Variants in CCDC112 observed in about 807,000 individuals in gnomAD.
CCDC112 encodes coiled-coil domain containing 112.
CCDC112 carries 40 observed loss-of-function variants against 66.3 expected under a neutral mutation model. The ratio of observed to expected loss-of-function variants is 0.60; its 90% CI spans 0.47 to 0.79. CCDC112 has a LOEUF of 0.79. Among genes scored for constraint, CCDC112 ranks in the 30% least tolerant of loss-of-function variants. The pLI is 0.00. For synonymous variants in CCDC112, 214 were observed against 197.2 expected (o/e 1.09, Z -0.71); for missense variants, 659 against 603.8 (o/e 1.09, Z -0.96).
chr5:115,291,789 T>C (rs1184072917), intron 1 of CCDC112, among the ~76,000 whole-genome samples: 1 of 152,214 alleles, frequency 6.6e-6, no homozygotes, highest in African/African-American at 2.4e-5. Flanking sequence ...AAAGAACAAC[T>C]GGCTGGCAGT....
intron 7 of CCDC112, among the ~76,000 whole-genome samples, chr5:115,270,553 A>G (rs1042574135): frequency 2.0e-5 from 3 of 152,192 alleles, no homozygotes; most frequent in Non-Finnish European, 4.4e-5. Context: ...TCTACAATGC[A>G]CTTAACTCTA....
Position 115,271,318 on chromosome 5 carries a change from T to C in CCDC112, c.1227A>G (p.Lys409=). 1 of 1,612,948 alleles carries C rather than the reference T, an allele frequency of 6.2e-7. No homozygotes were observed. Among genetic ancestry groups the C allele is most frequent in the Non-Finnish European group, 8.5e-7 (1 of 1,179,828 alleles). The change falls in exon 7 of 10, where the codon AAA becomes AAG. Residue 409 remains lysine, a synonymous_variant. Coordinates refer to ENST00000379611, the MANE Select transcript of CCDC112 (RefSeq NM_001040440.3). ...LLLESYTQQK[K]EQEEFLRLEK... ...CAAGCCTCAAAAATTCTTCCTGTTCTTTCTTCTGCTGGGTATAACTTTCTA... is the reference window on the plus strand; with the variant it reads ...CAAGCCTCAAAAATTCTTCCTGTTCCTTCTTCTGCTGGGTATAACTTTCTA...
intron 1 of CCDC112, chr5:115,289,164 T>C: frequency 4.7e-6 from 1 of 211,806 alleles, no homozygotes; most frequent in Non-Finnish European, 9.5e-6. Context: ...TTTGTTCTCC[T>C]TTTCCCTTCG....
In CCDC112 at chr5:115,296,415, T is replaced by C; in HGVS notation, c.117+12A>G. The C allele has an allele frequency of 6.4e-7, 1 of 1,566,396 alleles. No individual in the cohort carries two copies. The highest frequency in any genetic ancestry group is 2.5e-5 in the East Asian group (1 of 39,758). On this transcript the variant is annotated intron_variant, in intron 1 of 9. Coordinates refer to ENST00000379611, the MANE Select transcript of CCDC112 (RefSeq NM_001040440.3). ...CTGCCGCCAGAGCAGCTCTCGGTTC[T>C]CCCGGATTTACCTGTTGAGGCGCTG...
chr5:115,278,373 T>A (rs78629943), intron 3 of CCDC112, among the ~76,000 whole-genome samples: 3,190 of 152,152 alleles, frequency 0.021, 126 homozygotes, highest in African/African-American at 0.073. Context: ...AGCTGTAATA[T>A]ATGAAGGGAA....
chr5:115,278,983 G>A (rs1051023147), intron 3 of CCDC112, among the ~76,000 whole-genome samples: 8 of 151,856 alleles, frequency 5.3e-5, no homozygotes, highest in South Asian at 2.1e-4. Context: ...AGAATCTAAC[G>A]CTACAATGAA....
chr5:115,287,777 A>G (rs539362130), intron 1 of CCDC112, among the ~76,000 whole-genome samples: 1 of 137,922 alleles, frequency 7.3e-6, no homozygotes, highest in African/African-American at 2.8e-5. Context: ...GGCTCAAATG[A>G]TCCTCTCATC....
chr5:115,281,221 G>T (rs1273187872), intron 2 of CCDC112, among the ~76,000 whole-genome samples: 1 of 151,902 alleles, frequency 6.6e-6, no homozygotes, highest in Non-Finnish European at 1.5e-5. Context: ...ACAGAATTTC[G>T]CCATGTTGGC....
chr5:115,271,980 A>G (rs908006215), intron 6 of CCDC112, among the ~76,000 whole-genome samples: 1 of 143,700 alleles, frequency 7.0e-6, no homozygotes, highest in Non-Finnish European at 1.5e-5. Flanking sequence ...GCTGGAGTGC[A>G]GTGGCACGAT....
intron 1 of CCDC112, chr5:115,288,903 G>T (rs2127073029): frequency 8.9e-6 from 4 of 447,984 alleles, no homozygotes; most frequent in South Asian, 4.8e-5. Flanking sequence ...GCATTTACAA[G>T]ATAGTTGATA....
At chr5:115,268,018 T>G in intron 9 of CCDC112, 100 bp from the exon 10 acceptor site, 2 of 854,510 alleles carry the variant, frequency 2.3e-6, no homozygotes, top group Non-Finnish European at 3.8e-6. Context: ...ATATATAACC[T>G]ACCCTGCATG....
At chr5:115,269,059 A>T in intron 8 of CCDC112, 59 bp from the exon 9 acceptor site, 6 of 952,914 alleles carry the variant, frequency 6.3e-6, no homozygotes, top group South Asian at 1.7e-5. Flanking sequence ...GTACTAGTAA[A>T]TAAGTAAAAG....
intron 2 of CCDC112, among the ~76,000 whole-genome samples, chr5:115,281,966 T>C (rs1180174187): frequency 6.6e-6 from 1 of 152,232 alleles, no homozygotes; most frequent in East Asian, 1.9e-4. Flanking sequence ...TGTAAATTCA[T>C]TTATCTCTGA....
chr5:115,272,134 G>A (rs1442043285), intron 6 of CCDC112, among the ~76,000 whole-genome samples: 1 of 151,880 alleles, frequency 6.6e-6, no homozygotes, highest in Non-Finnish European at 1.5e-5. Context: ...TGTTGGCCAG[G>A]CTGGTCTTGA....
At chr5:115,290,008 GAT>G (rs958000936) in intron 1 of CCDC112, among the ~76,000 whole-genome samples, 2 of 152,174 alleles carry the variant, frequency 1.3e-5, no homozygotes, top group African/African-American at 4.8e-5. Context: ...TTTTAATTTT[GAT>G]GGAATCCAAA....
chr5:115,287,055 G>C (rs549662231), intron 1 of CCDC112, among the ~76,000 whole-genome samples: 34 of 152,230 alleles, frequency 2.2e-4, no homozygotes, highest in South Asian at 6.2e-4. Flanking sequence ...TCACTTTCTT[G>C]ATAATGCCTT....
At chr5:115,287,982 C>CT (rs1039826943) in intron 1 of CCDC112, among the ~76,000 whole-genome samples, 7 of 150,852 alleles carry the variant, frequency 4.6e-5, no homozygotes, top group East Asian at 1.9e-4. Context: ...TCTAAAATGC[C>CT]TTTTTTTTTC....
rs769929745 is a variant in CCDC112 at position 115,279,686 on chromosome 5, C to T, written c.322G>A (p.Glu108Lys). The change falls in exon 3 of 10, where the codon GAA (glutamate) becomes AAA (lysine). Residue 108 changes from glutamate to lysine, a missense_variant. Coordinates refer to ENST00000379611, the MANE Select transcript of CCDC112 (RefSeq NM_001040440.3). Reference sequence around the variant, plus strand: ...CTGTGAATCAATTTATTTTCCAATTCTTCTAGCATACTATGCTCAATTCTG... The same window carrying T: ...CTGTGAATCAATTTATTTTCCAATTTTTCTAGCATACTATGCTCAATTCTG... Reference protein sequence around the residue: ...DFRIEHSMLEELENKLIHSRK... With the variant: ...DFRIEHSMLEKLENKLIHSRK... 3.0e-5 allele frequency: 48 copies of T among 1,611,236 alleles called. No homozygotes were observed. The highest frequency in any genetic ancestry group is 3.6e-5 in the Non-Finnish European group (43 of 1,178,456).
intron 9 of CCDC112, among the ~76,000 whole-genome samples, chr5:115,268,621 G>C (rs1324479462): frequency 6.9e-6 from 1 of 145,900 alleles, no homozygotes; most frequent in Non-Finnish European, 1.5e-5. Flanking sequence ...GACCTGAAAG[G>C]CAAATATATA....
Sources: allele counts gnomAD v4.1 joint callset (sites outside exome capture counted in the v4.1 genomes callset), GRCh38; gene constraint gnomAD v4.1.1; transcripts MANE v1.5; gene names NCBI Gene and HGNC (gene_info 2026-07-23, HGNC 2026-07-21).